ZC3H12B: variants seen among roughly 807,000 people sequenced by gnomAD.
ZC3H12B encodes the protein zinc finger CCCH-type containing 12B, also known as probable ribonuclease ZC3H12B.
Under a neutral mutation model 43.9 loss-of-function variants are expected in ZC3H12B, and 7 were observed. The ratio of observed to expected loss-of-function variants is 0.16; its 90% CI spans 0.09 to 0.30. The LOEUF is 0.30. Among genes scored for constraint, ZC3H12B ranks in the 10% least tolerant of loss-of-function variants. The probability of loss-of-function intolerance (pLI) is 1.00; values close to 1 mark genes in which losing one functional copy is unlikely to be tolerated. For missense variants in ZC3H12B, 475 were observed against 670.2 expected (o/e 0.71, Z 3.22); for synonymous variants, 222 against 241.7 (o/e 0.92, Z 0.76).
chrX:65,342,373 C>T, the ZC3H12B span, among the ~76,000 whole-genome samples: 1 of 111,936 alleles, frequency 8.9e-6, no homozygotes, highest in Admixed American at 9.5e-5. Context: ...CTCATCTCCA[C>T]ATGGCACATA....
At chrX:65,179,375 C>T in the ZC3H12B span, among the ~76,000 whole-genome samples, 1 of 106,840 alleles carries the variant, frequency 9.4e-6, no homozygotes, top group African/African-American at 3.5e-5. Context: ...CCTGCATGTT[C>T]TGCACATGTA....
the ZC3H12B span, among the ~76,000 whole-genome samples, chrX:65,182,541 CA>C: frequency 9.0e-6 from 1 of 110,530 alleles, no homozygotes. Flanking sequence ...ATGAAGACAC[CA>C]AAAGCAATTG....
At chrX:65,251,619 C>G in the ZC3H12B span, among the ~76,000 whole-genome samples, 1 of 111,368 alleles carries the variant, frequency 9.0e-6, no homozygotes, top group Non-Finnish European at 1.9e-5. Context: ...TTTCGTTGAG[C>G]AGTGGTTTAT....
the ZC3H12B span, among the ~76,000 whole-genome samples, chrX:65,229,857 A>T: frequency 9.1e-6 from 1 of 109,911 alleles, no homozygotes; most frequent in Admixed American, 9.7e-5. Context: ...ACCAGTTAGA[A>T]TGGCAGTCCT....
upstream of ZC3H12B, among the ~76,000 whole-genome samples, chrX:65,364,175 C>G (rs902344580): frequency 2.7e-5 from 3 of 110,885 alleles, no homozygotes; most frequent in African/African-American, 9.9e-5. Flanking sequence ...ATCATTGAGG[C>G]TACCGCTCTG....
chrX:65,217,361 T>G, the ZC3H12B span, among the ~76,000 whole-genome samples: 7 of 111,586 alleles, frequency 6.3e-5, no homozygotes, highest in East Asian at 2.0e-3. Context: ...GCCCAAACTG[T>G]GAAGACTGGA....
the ZC3H12B span, among the ~76,000 whole-genome samples, chrX:65,225,616 A>T: frequency 1.8e-5 from 2 of 112,193 alleles, no homozygotes; most frequent in Non-Finnish European, 3.8e-5. Context: ...CAAAGAAGTT[A>T]AAAACTTTGA....
At chrX:65,351,110 G>A in the ZC3H12B span, among the ~76,000 whole-genome samples, 1 of 111,670 alleles carries the variant, frequency 9.0e-6, no homozygotes, top group African/African-American at 3.3e-5. Context: ...CATGGTACTG[G>A]TACCAAAACA....
chrX:65,167,323 T>G, the ZC3H12B span, among the ~76,000 whole-genome samples: 2 of 112,047 alleles, frequency 1.8e-5, no homozygotes, highest in Non-Finnish European at 3.8e-5. Context: ...TTCTGGTTTT[T>G]GTCAGGTTTG....
the ZC3H12B span, among the ~76,000 whole-genome samples, chrX:65,227,776 A>C: frequency 9.0e-6 from 1 of 111,483 alleles, no homozygotes; most frequent in African/African-American, 3.3e-5. Context: ...TAAACTAGAA[A>C]ATCTAGAAGA....
the ZC3H12B span, among the ~76,000 whole-genome samples, chrX:65,301,424 A>G: frequency 8.9e-6 from 1 of 111,788 alleles, no homozygotes; most frequent in African/African-American, 3.2e-5. Flanking sequence ...AAAATATGGA[A>G]CCAGCTCAAA....
At chrX:65,229,266 T>G in the ZC3H12B span, among the ~76,000 whole-genome samples, 1 of 111,103 alleles carries the variant, frequency 9.0e-6, no homozygotes, top group Non-Finnish European at 1.9e-5. Flanking sequence ...CAAACCTGAG[T>G]AAAACAAGCA....
chrX:65,369,886 G>A (rs2066222469), intron 2 of ZC3H12B, among the ~76,000 whole-genome samples: 2 of 111,419 alleles, frequency 1.8e-5, no homozygotes, highest in African/African-American at 6.5e-5. Flanking sequence ...CATACTTTTG[G>A]ACACTTGATC....
chrX:65,120,751 T>G, the ZC3H12B span, among the ~76,000 whole-genome samples: 9 of 111,391 alleles, frequency 8.1e-5, no homozygotes, highest in Non-Finnish European at 1.3e-4. Context: ...ATGCTTCCAG[T>G]TTTTGCCCTT....
the ZC3H12B span, among the ~76,000 whole-genome samples, chrX:65,049,000 T>G: frequency 9.0e-6 from 1 of 111,537 alleles, no homozygotes; most frequent in East Asian, 2.8e-4. Flanking sequence ...ATTCAAGTCC[T>G]TTTCTCATAT....
the ZC3H12B span, among the ~76,000 whole-genome samples, chrX:65,298,754 A>G: frequency 8.9e-6 from 1 of 111,951 alleles, no homozygotes; most frequent in African/African-American, 3.2e-5. Context: ...ACTGCCTGAG[A>G]CTGGGTAATT....
chrX:65,124,101 G>A, the ZC3H12B span, among the ~76,000 whole-genome samples: 1 of 110,895 alleles, frequency 9.0e-6, no homozygotes, highest in Non-Finnish European at 1.9e-5. Flanking sequence ...AGTTTTCCCT[G>A]TTCATTATAA....
At chrX:65,290,416 G>A in the ZC3H12B span, among the ~76,000 whole-genome samples, 2 of 110,596 alleles carry the variant, frequency 1.8e-5, no homozygotes, top group Non-Finnish European at 3.8e-5. Context: ...AAACACTATG[G>A]AAAACAATGT....
chrX:65,412,976 G>T (rs943484820), intron 3 of ZC3H12B, among the ~76,000 whole-genome samples: 7 of 109,281 alleles, frequency 6.4e-5, no homozygotes, highest in South Asian at 3.9e-4. Flanking sequence ...TATTTTCTCG[G>T]TTTTTTTTCC....
Sources: allele counts gnomAD v4.1 joint callset (sites outside exome capture counted in the v4.1 genomes callset), GRCh38; gene constraint gnomAD v4.1.1; transcripts MANE v1.5; gene names NCBI Gene and HGNC (gene_info 2026-07-23, HGNC 2026-07-21).